The following ATP9B variants were observed in gnomAD, a reference collection of about 807,000 sequenced individuals.
The protein encoded by ATP9B is probable phospholipid-transporting ATPase IIB.
ATP9B carries 110 observed loss-of-function variants against 146.1 expected under a neutral mutation model. The ratio of observed to expected loss-of-function variants is 0.75; its 90% CI spans 0.65 to 0.88. The LOEUF is 0.88. Ranked by LOEUF, ATP9B falls within the 40% of genes least tolerant of loss-of-function variation. The pLI, the probability that ATP9B is intolerant of heterozygous loss-of-function variation, is 0.00. For synonymous variants in ATP9B, 604 were observed against 569.7 expected, an observed-to-expected ratio of 1.06 and a Z score of -0.86; for missense variants, 1,499 against 1,496.4, an observed-to-expected ratio of 1.00 and a Z score of -0.03.
chr18:79,223,859 T>C (rs2095704068), intron 11 of ATP9B, among the ~76,000 whole-genome samples: 1 of 152,218 alleles, frequency 6.6e-6, no homozygotes, highest in Non-Finnish European at 1.5e-5. Flanking sequence ...TGGGGCATAA[T>C]GCTCTATCAG....
chr18:79,118,390 G>GGTTTTTTTTTTTTTTTTTTTTTTTTTTTT lies in ATP9B; in HGVS notation c.558+5036_558+5037insGTTTTTTTTTTTTTTTTTTTTTTTTTTTT, dbSNP rs1555689295. ...AAACACAATCATATTGAACGTTTTT[G>GGTTTTTTTTTTTTTTTTTTTTTTTTTTTT]TTTTTTTTTTTTTTTTTTTTTTTTT... On this transcript the variant is annotated intron_variant, in intron 4 of 29. Transcript: ENST00000426216. Among the ~76,000 whole-genome samples, 4 of 93,238 alleles carry GGTTTTTTTTTTTTTTTTTTTTTTTTTTTT rather than the reference G, an allele frequency of 4.3e-5. 1 individual carries two copies. Among genetic ancestry groups the GGTTTTTTTTTTTTTTTTTTTTTTTTTTTT allele is most frequent in the African/African-American group, 7.8e-5 (2 of 25,628 alleles). 61.2% of individuals were successfully genotyped at this position (93,238 alleles called of 152,430 possible).
chr18:79,107,593 A>G (rs1410155687), intron 2 of ATP9B, among the ~76,000 whole-genome samples: 1 of 152,176 alleles, frequency 6.6e-6, no homozygotes, highest in African/African-American at 2.4e-5. Context: ...AGATGAGTGA[A>G]CAGAGACTCA....
At chr18:79,292,187 G>A (rs1245463950) in intron 13 of ATP9B, among the ~76,000 whole-genome samples, 1 of 152,216 alleles carries the variant, frequency 6.6e-6, no homozygotes, top group Admixed American at 6.5e-5. Flanking sequence ...GACTAATGCT[G>A]CTGTGAGTAT....
Position 79,376,214 on chromosome 18 carries a change from C to CAAAAAAAAAA in ATP9B, c.3307+792_3307+793insAAAAAAAAAA, listed in dbSNP as rs67414221. ...ACACACACACACACACACACACACA[C>CAAAAAAAAAA]AAAACAAAACAAAAAAATGGCTAGC... is the stretch of plus-strand genomic sequence containing the variant. On this transcript the variant is annotated intron_variant, in intron 29 of 29. Transcript: ENST00000426216. 423 of 884,118 alleles carry CAAAAAAAAAA rather than the reference C, an allele frequency of 4.8e-4. 1 individual carries two copies. The highest frequency in any genetic ancestry group is 1.4e-3 in the African/African-American group (66 of 46,920). The allele number at this position is 884,118 out of a possible 1,614,324, so 54.8% of individuals were successfully genotyped here. A position where few individuals can be genotyped will look rare whatever the true frequency, so the allele number is the denominator to read the frequency against.
At position 79,234,766 on chromosome 18, in the gene ATP9B, G is replaced by A. The variant is rs75284219; in HGVS notation, c.1108-18615G>A. On this transcript the variant is annotated intron_variant, in intron 11 of 29. Coordinates refer to ENST00000426216, the MANE Select transcript of ATP9B (RefSeq NM_198531.5). ...CGACCATGGGTTTGTGTGGCTTAGGGAGATAATCAACGGACGGTATTTGGT... is the reference window on the plus strand; with the variant it reads ...CGACCATGGGTTTGTGTGGCTTAGGAAGATAATCAACGGACGGTATTTGGT... 7.4e-3 allele frequency among the ~76,000 whole-genome samples: 1,130 copies of A among 152,266 alleles called. 13 individuals are homozygous for A. The highest frequency in any genetic ancestry group is 0.017 in the African/African-American group (720 of 41,550).
chr18:79,364,949 G>C (rs1244252382), intron 26 of ATP9B, among the ~76,000 whole-genome samples: 3 of 152,052 alleles, frequency 2.0e-5, no homozygotes, highest in African/African-American at 7.3e-5. Context: ...AGGATTGCTT[G>C]AGCTGAGGAG....
intron 20 of ATP9B, among the ~76,000 whole-genome samples, chr18:79,343,340 T>G (rs1419995923): frequency 6.6e-6 from 1 of 152,214 alleles, no homozygotes; most frequent in Non-Finnish European, 1.5e-5. Context: ...ACATGAAGCT[T>G]TTAATTTATT....
At chr18:79,171,635 T>C (rs1042886342) in intron 7 of ATP9B, among the ~76,000 whole-genome samples, 3 of 152,056 alleles carry the variant, frequency 2.0e-5, no homozygotes, top group Non-Finnish European at 4.4e-5. Context: ...GTACAGTGTG[T>C]GCGCGTAAGG....
chr18:79,108,353 T>A (rs1261198407), intron 2 of ATP9B, among the ~76,000 whole-genome samples: 1 of 152,248 alleles, frequency 6.6e-6, no homozygotes. Flanking sequence ...ATCAGCATTT[T>A]ATTGAAATCT....
At chr18:79,348,110 C>T (rs2096900980) in intron 24 of ATP9B, 22 bp from the exon 25 acceptor site, 1 of 1,613,792 alleles carries the variant, frequency 6.2e-7, no homozygotes. Flanking sequence ...CAGTTGTCTT[C>T]GTCTGTGGGC....
intron 3 of ATP9B, among the ~76,000 whole-genome samples, chr18:79,111,098 C>G (rs926880329): frequency 1.3e-5 from 2 of 151,890 alleles, no homozygotes; most frequent in African/African-American, 4.8e-5. Context: ...TATTTTATTA[C>G]TTTTGTTGCT....
chr18:79,101,363 A>G (rs1310429415), intron 2 of ATP9B, among the ~76,000 whole-genome samples: 5 of 152,160 alleles, frequency 3.3e-5, no homozygotes. Context: ...TGATATCTGT[A>G]TTATGTGATT....
chr18:79,193,365 G>A, intron 9 of ATP9B, 102 bp downstream of exon 9: 1 of 993,536 alleles, frequency 1.0e-6, no homozygotes, highest in Non-Finnish European at 1.5e-6. Flanking sequence ...TCAAACAGAA[G>A]TTTCAAACTA....
intron 15 of ATP9B, among the ~76,000 whole-genome samples, chr18:79,321,124 G>A (rs2096713365): frequency 6.6e-6 from 1 of 152,202 alleles, no homozygotes; most frequent in South Asian, 2.1e-4. Flanking sequence ...GAATTCGCTA[G>A]GCTGCTTTCA....
intron 9 of ATP9B, among the ~76,000 whole-genome samples, chr18:79,203,027 A>G (rs2095502640): frequency 6.6e-6 from 1 of 152,248 alleles, no homozygotes. Context: ...ATATCAAGTG[A>G]ATCATTAGGA....
In ATP9B at chr18:79,175,214, GA is replaced by G. The variant is rs1199426278; in HGVS notation, c.779-1588del. ...GACTGTCTCAAAAAAAAAAAAAAAA[GA>G]AAAAAAAAAACATCAAAACTTTTGA... is the stretch of plus-strand genomic sequence containing the variant. On this transcript the variant is annotated intron_variant, in intron 7 of 29. Coordinates refer to ENST00000426216, the MANE Select transcript of ATP9B (RefSeq NM_198531.5). Among the ~76,000 whole-genome samples the G allele has an allele frequency of 9.2e-3, 1,221 of 132,232 alleles. 22 individuals carry two copies. Among genetic ancestry groups the G allele is most frequent in the African/African-American group, 0.031 (1,103 of 35,238 alleles). The allele number at this position is 132,232 out of a possible 152,430, so 86.7% of individuals were successfully genotyped here.
At chr18:79,181,182 C>T (rs2095248303) in intron 8 of ATP9B, among the ~76,000 whole-genome samples, 1 of 152,158 alleles carries the variant, frequency 6.6e-6, no homozygotes, top group South Asian at 2.1e-4. Context: ...TTGATTTCAT[C>T]TGATGGCATC....
intron 13 of ATP9B, among the ~76,000 whole-genome samples, chr18:79,301,350 G>C (rs2096589284): frequency 6.6e-6 from 1 of 152,122 alleles, no homozygotes; most frequent in Non-Finnish European, 1.5e-5. Flanking sequence ...AAATTAGTTG[G>C]GTGTGGTGGC....
At chr18:79,222,878 G>T (rs1429366530) in intron 11 of ATP9B, among the ~76,000 whole-genome samples, 3 of 152,200 alleles carry the variant, frequency 2.0e-5, no homozygotes. Context: ...CATATTTAAT[G>T]ATATGAGACT....
Sources: gnomAD v4.1 joint callset for allele counts (sites outside exome capture counted in the v4.1 genomes callset) on GRCh38, gnomAD v4.1.1 for gene constraint, MANE v1.5 for transcripts, NCBI Gene and HGNC (gene_info 2026-07-23, HGNC 2026-07-21) for gene names.